The following CTNNB1 variants were observed in gnomAD, a reference collection of about 807,000 sequenced individuals.
CTNNB1 encodes the protein catenin beta-1.
A neutral mutation model predicts 82.5 loss-of-function variants in CTNNB1; 6 were observed. The ratio of observed to expected loss-of-function variants is 0.07; its 90% CI spans 0.04 to 0.14. The LOEUF (loss-of-function observed/expected upper bound fraction) is 0.14. Ranked by LOEUF, CTNNB1 falls within the 10% of genes least tolerant of loss-of-function variation. The probability of loss-of-function intolerance (pLI) is 1.00; values close to 1 mark genes in which losing one functional copy is unlikely to be tolerated. For missense variants in CTNNB1, 529 were observed against 980.4 expected (o/e 0.54, Z 6.15); for synonymous variants, 312 against 329.7 (o/e 0.95, Z 0.58).
rs2125627545 is a variant in CTNNB1, at chr3:41,227,213, C to T, written c.942C>T (p.Ile314=). The T allele has an allele frequency of 1.9e-6, 3 of 1,609,758 alleles. No homozygotes were observed. The highest frequency in any genetic ancestry group is 2.6e-6 in the Non-Finnish European group (3 of 1,176,190). Residue 314 remains isoleucine, a synonymous_variant, in exon 7 of 15, where the codon ATC becomes ATT. Coordinates refer to ENST00000349496, the MANE Select transcript of CTNNB1 (RefSeq NM_001904.4). The part of the protein sequence containing the change: ...LAYGNQESKL[I]ILASGGPQAL... ...ATATATATATATCTTTCTAGCTCAT[C>T]ATACTGGCTAGTGGTGGACCCCAAG...
intron 1 of CTNNB1, among the ~76,000 whole-genome samples, chr3:41,201,200 A>G (rs951016235): frequency 3.9e-5 from 6 of 152,204 alleles, no homozygotes; most frequent in Non-Finnish European, 7.3e-5. Context: ...GAAATAGTAA[A>G]TATAGTCTCA....
chr3:41,200,663 A>G (rs749777843), intron 1 of CTNNB1, among the ~76,000 whole-genome samples: 2 of 152,226 alleles, frequency 1.3e-5, no homozygotes, highest in South Asian at 2.1e-4. Flanking sequence ...AAAGCTGGCC[A>G]AATGGAATTC....
At chr3:41,201,792 C>T (rs2077538055) in intron 1 of CTNNB1, among the ~76,000 whole-genome samples, 1 of 151,756 alleles carries the variant, frequency 6.6e-6, no homozygotes, top group African/African-American at 2.4e-5. Flanking sequence ...AAACTGTTAT[C>T]TGATTATTTC....
At chr3:41,207,282 AATAATT>A (rs1559455534) in intron 1 of CTNNB1, among the ~76,000 whole-genome samples, 1 of 152,190 alleles carries the variant, frequency 6.6e-6, no homozygotes, top group African/African-American at 2.4e-5. Context: ...GGTGCTGGGA[AATAATT>A]AAAATTTGAT....
At chr3:41,231,362 C>G (rs187780525) in intron 7 of CTNNB1, among the ~76,000 whole-genome samples, 63 of 151,298 alleles carry the variant, frequency 4.2e-4, no homozygotes, top group Admixed American at 4.1e-3. Context: ...TGTGGAGATC[C>G]AGGTGCTGAA....
At chr3:41,237,268 G>A (rs11564473) in intron 13 of CTNNB1, 4,560 of 162,202 alleles carry the variant, frequency 0.028, 234 homozygotes, top group African/African-American at 0.1. Context: ...GGTTTACAAC[G>A]ATGCAGCTCT....
intron 1 of CTNNB1, among the ~76,000 whole-genome samples, chr3:41,223,246 C>T (rs1215858103): frequency 6.6e-6 from 1 of 151,890 alleles, no homozygotes; most frequent in Non-Finnish European, 1.5e-5. Context: ...TTCTAATTTG[C>T]AAGTAGTTCC....
At position 41,225,754 on chromosome 3, in the gene CTNNB1, G is replaced by A. The variant is rs762074528; in HGVS notation, c.829G>A (p.Gly277Ser). 1 of 1,614,138 alleles carries A rather than the reference G, an allele frequency of 6.2e-7. No homozygotes were observed. Among genetic ancestry groups the A allele is most frequent in the Non-Finnish European group, 8.5e-7 (1 of 1,179,994 alleles). Residue 277 changes from glycine to serine, a missense_variant, in exon 6 of 15, where the codon GGT becomes AGT. Physicochemically the swap from Gly to Ser is moderately conservative, Grantham distance 56 (BLOSUM62 0). This residue lies in a region of CTNNB1 where 411 missense variants were observed against 776.4 expected (regional missense o/e 0.53). Transcript: ENST00000349496. The surrounding 1 kb of genome is among the most constrained non-coding windows in gnomAD (Gnocchi z 5.3). Reference sequence around the variant, plus strand: ...AGCTAAAATGGCAGTGCGTTTAGCTGGTGGGCTGCAGAAAATGGTTGCCTT... The same window carrying A: ...AGCTAAAATGGCAGTGCGTTTAGCTAGTGGGCTGCAGAAAATGGTTGCCTT... ...EGAKMAVRLA[G>S]GLQKMVALLN...
chr3:41,238,373 G>A, intron 14 of CTNNB1: 1 of 369,390 alleles, frequency 2.7e-6, no homozygotes. Flanking sequence ...TTGGCCAGAG[G>A]ACTCATAATA....
At chr3:41,219,997 A>G (rs1200508572) in intron 1 of CTNNB1, among the ~76,000 whole-genome samples, 1 of 152,206 alleles carries the variant, frequency 6.6e-6, no homozygotes, top group African/African-American at 2.4e-5. Context: ...TTAAAAATAC[A>G]TAGCAGTGAG....
At chr3:41,220,446 G>T (rs2078020858) in intron 1 of CTNNB1, 1 of 122,090 alleles carries the variant, frequency 8.2e-6, no homozygotes, top group Non-Finnish European at 1.6e-5. Flanking sequence ...AAGCTGTGAA[G>T]GAAGAAAGCA....
chr3:41,206,258 A>T (rs950543322), intron 1 of CTNNB1, among the ~76,000 whole-genome samples: 1 of 152,208 alleles, frequency 6.6e-6, no homozygotes, highest in South Asian at 2.1e-4. Flanking sequence ...CAAGTTAATC[A>T]GTCTACATGG....
intron 1 of CTNNB1, among the ~76,000 whole-genome samples, chr3:41,206,777 A>G (rs2077657512): frequency 6.6e-6 from 1 of 152,074 alleles, no homozygotes; most frequent in Non-Finnish European, 1.5e-5. Context: ...TTTCAATCCA[A>G]GTAACTTTGG....
In CTNNB1 at chr3:41,224,635, C is replaced by G. The variant is rs1483723643; in HGVS notation, c.123C>G (p.Thr41=). 6.2e-7 allele frequency: 1 copy of G among 1,613,952 alleles called. No homozygotes were observed. The highest frequency in any genetic ancestry group is 8.5e-7 in the Non-Finnish European group (1 of 1,179,960). ...LDSGIHSGAT[T]TAPSLSGKGN... ...CTGGAATCCATTCTGGTGCCACTACCACAGCTCCTTCTCTGAGTGGTAAAG... is the reference window on the plus strand; with the variant it reads ...CTGGAATCCATTCTGGTGCCACTACGACAGCTCCTTCTCTGAGTGGTAAAG... Residue 41 remains threonine (T), a synonymous_variant, in exon 3 of 15, where the codon ACC becomes ACG. Transcript: ENST00000349496.
rs780986138 is a variant in CTNNB1 at position 41,225,585 on chromosome 3, G to A, written c.734+13G>A. The A allele has an allele frequency of 6.8e-6, 11 of 1,613,956 alleles. No individual in the cohort carries two copies. In the Admixed American group the frequency reaches 1.5e-4, roughly 22 times the overall value. ...TGAAAATGCTTGGGTAAGAAAACAT[G>A]TCAGAATGCTTGAAGCTAAAAAGTA... On this transcript the variant is annotated intron_variant, in intron 5 of 14. Coordinates refer to ENST00000349496, the MANE Select transcript of CTNNB1 (RefSeq NM_001904.4). This position sits in a 1 kb window ranked among gnomAD's most constrained non-coding sequence, Gnocchi z 5.3.
At chr3:41,205,662 C>T (rs1294511022) in intron 1 of CTNNB1, among the ~76,000 whole-genome samples, 1 of 151,514 alleles carries the variant, frequency 6.6e-6, no homozygotes, top group Admixed American at 6.6e-5. Flanking sequence ...GGCAACAGAG[C>T]GAGACTCCAT....
At chr3:41,204,527 G>C (rs2077605393) in intron 1 of CTNNB1, among the ~76,000 whole-genome samples, 1 of 152,146 alleles carries the variant, frequency 6.6e-6, no homozygotes, top group Admixed American at 6.5e-5. Flanking sequence ...TTAGGTATTG[G>C]GTAAATGGGA....
intron 10 of CTNNB1, chr3:41,234,772 T>A (rs2078394743): frequency 5.9e-6 from 1 of 168,992 alleles, no homozygotes; most frequent in Non-Finnish European, 1.3e-5. Context: ...TCTGTACTCT[T>A]AACCACAAAA....
intron 7 of CTNNB1, among the ~76,000 whole-genome samples, chr3:41,228,490 A>T (rs1400184233): frequency 1.3e-5 from 2 of 152,088 alleles, no homozygotes; most frequent in Non-Finnish European, 2.9e-5. Flanking sequence ...GCTTTTCTTC[A>T]TATGTTTCTT....
Sources: allele counts gnomAD v4.1 joint callset (sites outside exome capture counted in the v4.1 genomes callset), GRCh38; gene constraint gnomAD v4.1.1; regional missense constraint gnomAD v4.1.1; non-coding constraint Gnocchi (gnomAD v3.1); transcripts MANE v1.5; gene names NCBI Gene and HGNC (gene_info 2026-07-23, HGNC 2026-07-21).